Variants in CELF2 observed in about 807,000 individuals in gnomAD.
CELF2 encodes CUG triplet repeat RNA-binding protein 2.
CELF2 carries 8 observed loss-of-function variants against 62.6 expected under a neutral mutation model. The ratio of observed to expected loss-of-function variants is 0.13; its 90% CI spans 0.07 to 0.23. The LOEUF is 0.23. Ranked by LOEUF, CELF2 falls within the 10% of genes least tolerant of loss-of-function variation. The probability of loss-of-function intolerance (pLI) is 1.00; values close to 1 mark genes in which losing one functional copy is unlikely to be tolerated. For synonymous variants in CELF2, 258 were observed against 250.0 expected, an observed-to-expected ratio of 1.03 and a Z score of -0.30; for missense variants, 333 against 671.0, an observed-to-expected ratio of 0.50 and a Z score of 5.56.
chr10:11,032,441 AAAAAT>A (rs1275575821), intron 1 of CELF2, among the ~76,000 whole-genome samples: 2 of 152,184 alleles, frequency 1.3e-5, no homozygotes, highest in Admixed American at 6.5e-5. Flanking sequence ...CTAAAAAAAT[AAAAAT>A]AAGAGAATCT....
chr10:11,096,291 C>G (rs1388702568), intron 1 of CELF2: 1 of 152,194 alleles, frequency 6.6e-6, no homozygotes, highest in African/African-American at 2.4e-5. Context: ...TTACTTCTTT[C>G]TTTGTCTTAC....
chr10:10,595,852 C>T, the CELF2 span, among the ~76,000 whole-genome samples: 11 of 152,040 alleles, frequency 7.2e-5, no homozygotes, highest in South Asian at 2.1e-4. Flanking sequence ...GGTGAGATGG[C>T]GCCACTGCAC....
At chr10:11,044,846 C>T (rs996489769) in intron 1 of CELF2, among the ~76,000 whole-genome samples, 2 of 152,074 alleles carry the variant, frequency 1.3e-5, no homozygotes, top group African/African-American at 2.4e-5. Flanking sequence ...AACATGATAC[C>T]ACAATACCAA....
intron 1 of CELF2, among the ~76,000 whole-genome samples, chr10:10,819,439 C>T (rs577464806): frequency 3.3e-5 from 5 of 152,220 alleles, no homozygotes; most frequent in Admixed American, 2.6e-4. Flanking sequence ...ACTGTTTTTG[C>T]CAGGGTTACC....
At chr10:10,870,193 T>G (rs1455668806) in intron 1 of CELF2, among the ~76,000 whole-genome samples, 9 of 152,178 alleles carry the variant, frequency 5.9e-5, no homozygotes. Context: ...TTAAAGATTA[T>G]TTCAAGAAAA....
Position 10,972,540 on chromosome 10 carries a change from T to C in CELF2, c.89+52541T>C, listed in dbSNP as rs887863445. Among the ~76,000 whole-genome samples the C allele has an allele frequency of 6.6e-6, 1 of 152,182 alleles. No individual in the cohort carries two copies. The highest frequency in any genetic ancestry group is 2.4e-5 in the African/African-American group (1 of 41,436). ...AGCTTTCTGCTTTGACCCACTGCTCTTCTTTCTATATATTTACTCCCTGGC... is the reference window on the plus strand; with the variant it reads ...AGCTTTCTGCTTTGACCCACTGCTCCTCTTTCTATATATTTACTCCCTGGC... On this transcript the variant is annotated intron_variant, in intron 2 of 13. Transcript: ENST00000636488. The surrounding 1 kb of genome is among the most constrained non-coding windows in gnomAD (Gnocchi z 4.4).
At chr10:11,047,289 A>G (rs2063037356) in intron 1 of CELF2, among the ~76,000 whole-genome samples, 5 of 152,154 alleles carry the variant, frequency 3.3e-5, no homozygotes, top group Admixed American at 3.3e-4. Context: ...TTCAGTTTTG[A>G]GATGAGTGTT....
chr10:11,099,884 CAAA>C (rs869282674), intron 1 of CELF2, among the ~76,000 whole-genome samples: 47 of 93,504 alleles, frequency 5.0e-4, no homozygotes, highest in South Asian at 1.5e-3. Flanking sequence ...ACAACAACAA[CAAA>C]AAAAAAAAAA....
rs559196392 is a variant in CELF2 at position 11,312,859 on chromosome 10, G to T, written c.977-1280G>T. Among the ~76,000 whole-genome samples, 26 of 152,330 alleles carry T rather than the reference G, an allele frequency of 1.7e-4. No homozygotes were observed. In the South Asian group the frequency reaches 5.2e-3, roughly 30 times the overall value. On this transcript the variant is annotated intron_variant, in intron 9 of 12. Transcript: ENST00000633077. ...TGAGGCAGGAGAATCACTTGAACCT[G>T]GGAGGCAGGGGTTGCAGTGGGCCAA... is the stretch of plus-strand genomic sequence containing the variant.
intron 2 of CELF2, among the ~76,000 whole-genome samples, chr10:11,195,132 T>G (rs962222829): frequency 4.6e-5 from 7 of 152,234 alleles, no homozygotes; most frequent in African/African-American, 1.7e-4. Context: ...GACCATGAAC[T>G]TAAACTCCTA....
At position 11,322,639 on chromosome 10, in the gene CELF2, T is replaced by G. The variant is rs200935944; in HGVS notation, c.1294+1253T>G. Among the ~76,000 whole-genome samples, 8 of 21,416 alleles carry G rather than the reference T, an allele frequency of 3.7e-4. No homozygotes were observed. The East Asian group carries it at 9.0e-3, about 24-fold the overall frequency. 14.0% of individuals were successfully genotyped at this position (21,416 alleles called of 152,430 possible). ...AACACAGCTTAAAAGATACTCATGG[T>G]TTTTTTTTTTTTTTTAAAGGAAGGA... On this transcript the variant is annotated intron_variant, in intron 11 of 12. Transcript: ENST00000633077.
chr10:10,556,623 G>A, the CELF2 span, among the ~76,000 whole-genome samples: 1 of 152,048 alleles, frequency 6.6e-6, no homozygotes, highest in Non-Finnish European at 1.5e-5. Context: ...CTTCCACAAT[G>A]GTTGAACTAG....
chr10:10,595,346 T>A, the CELF2 span, among the ~76,000 whole-genome samples: 5 of 151,974 alleles, frequency 3.3e-5, no homozygotes, highest in Non-Finnish European at 5.9e-5. Flanking sequence ...TGTAAGGCTG[T>A]GCTGGGACCA....
intron 3 of CELF2, among the ~76,000 whole-genome samples, chr10:11,232,634 C>T (rs761066581): frequency 2.0e-5 from 3 of 152,092 alleles, no homozygotes; most frequent in African/African-American, 4.8e-5. Flanking sequence ...CTGAGATGTG[C>T]CTTGATGATG....
chr10:11,005,460 G>A lies in CELF2; in HGVS notation c.53+20G>A. ...TTTAAGGTATGTTGTTGTGTCCTTT[G>A]TTTTTAATGCACGCTTTTCTAGTTT... On this transcript the variant is annotated intron_variant, in intron 1 of 12. Coordinates refer to the CELF2 transcript ENST00000416382. The surrounding 1 kb of genome is among the most constrained non-coding windows in gnomAD (Gnocchi z 4.3). 6.2e-7 allele frequency: 1 copy of A among 1,613,864 alleles called. No homozygotes were observed. Among genetic ancestry groups the A allele is most frequent in the Non-Finnish European group, 8.5e-7 (1 of 1,179,808 alleles).
intron 2 of CELF2, among the ~76,000 whole-genome samples, chr10:11,199,378 G>A (rs1324228124): frequency 1.3e-5 from 2 of 152,130 alleles, no homozygotes; most frequent in Non-Finnish European, 1.5e-5. Flanking sequence ...CAGACACTCT[G>A]TTGTTCCTTG....
At chr10:11,322,872 CCTGTGTGTGTTCCTTTTCT>C (rs1324575281) in intron 11 of CELF2, among the ~76,000 whole-genome samples, 1 of 151,976 alleles carries the variant, frequency 6.6e-6, no homozygotes, top group African/African-American at 2.4e-5. Context: ...CAAAGAAAGG[CCTGTGTGTGTTCCTTTTCT>C]CTGTGGTCTG....
chr10:10,720,317 C>T, the CELF2 span, among the ~76,000 whole-genome samples: 2 of 152,212 alleles, frequency 1.3e-5, no homozygotes, highest in Non-Finnish European at 2.9e-5. Flanking sequence ...TAGCGTGTTT[C>T]CTGCCTACCA....
At chr10:10,602,468 C>G in the CELF2 span, among the ~76,000 whole-genome samples, 1 of 142,952 alleles carries the variant, frequency 7.0e-6, no homozygotes, top group South Asian at 2.7e-4. Context: ...AACTGAATTG[C>G]CTGGAGTAGT....
Sources: allele counts gnomAD v4.1 joint callset (sites outside exome capture counted in the v4.1 genomes callset), GRCh38; gene constraint gnomAD v4.1.1; non-coding constraint Gnocchi (gnomAD v3.1); transcripts MANE v1.5; gene names NCBI Gene and HGNC (gene_info 2026-07-23, HGNC 2026-07-21).